NCKAP5: variants seen among roughly 807,000 people sequenced by gnomAD.
The protein encoded by NCKAP5 is NCK associated protein 5, also known as nck-associated protein 5.
A neutral mutation model predicts 167.0 loss-of-function variants in NCKAP5; 92 were observed. The observed-to-expected ratio is 0.55, with a 90% CI of 0.47 to 0.66. The LOEUF (loss-of-function observed/expected upper bound fraction) is 0.66. Ranked by LOEUF, NCKAP5 falls within the 30% of genes least tolerant of loss-of-function variation. The pLI is 0.00. For synonymous variants in NCKAP5, 891 were observed against 877.4 expected, an observed-to-expected ratio of 1.02 and a Z score of -0.27; for missense variants, 2,378 against 2,315.0, an observed-to-expected ratio of 1.03 and a Z score of -0.56.
intron 13 of NCKAP5, among the ~76,000 whole-genome samples, chr2:132,786,249 A>G (rs984955333): frequency 2.6e-5 from 4 of 152,228 alleles, no homozygotes; most frequent in Non-Finnish European, 5.9e-5. Flanking sequence ...CATTCAAGGT[A>G]CATTGAGGGA....
At chr2:132,880,355 C>T (rs1266786863) in intron 8 of NCKAP5, among the ~76,000 whole-genome samples, 1 of 152,118 alleles carries the variant, frequency 6.6e-6, no homozygotes, top group Non-Finnish European at 1.5e-5. Flanking sequence ...ATAGGCTGGG[C>T]TTGGTGGCTC....
At chr2:132,729,968 T>C (rs1423982436) in intron 17 of NCKAP5, among the ~76,000 whole-genome samples, 2 of 152,152 alleles carry the variant, frequency 1.3e-5, no homozygotes, top group Admixed American at 6.5e-5. Flanking sequence ...AAAAAGGAGC[T>C]ATAATCTCAT....
chr2:133,202,845 A>G (rs896474674), intron 5 of NCKAP5, among the ~76,000 whole-genome samples: 1 of 152,164 alleles, frequency 6.6e-6, no homozygotes, highest in Non-Finnish European at 1.5e-5. Flanking sequence ...AAGAGAAACT[A>G]TCTCACACCA....
At chr2:132,842,428 T>C (rs911568832) in intron 11 of NCKAP5, among the ~76,000 whole-genome samples, 13 of 152,286 alleles carry the variant, frequency 8.5e-5, no homozygotes, top group African/African-American at 3.1e-4. Flanking sequence ...TTAGCCTTCA[T>C]TGTTACTTAT....
intron 9 of NCKAP5, among the ~76,000 whole-genome samples, chr2:132,873,466 T>C (rs1200057378): frequency 1.3e-5 from 2 of 152,114 alleles, no homozygotes; most frequent in Non-Finnish European, 2.9e-5. Flanking sequence ...GTGAGGGGTA[T>C]GTATATGTGT....
At chr2:133,190,278 T>C (rs975040460) in intron 5 of NCKAP5, among the ~76,000 whole-genome samples, 4 of 152,070 alleles carry the variant, frequency 2.6e-5, no homozygotes, top group Admixed American at 1.3e-4. Flanking sequence ...TAAAAGAGGA[T>C]ACAAACAAAT....
At chr2:132,712,664 GA>G (rs890083267) in intron 19 of NCKAP5, among the ~76,000 whole-genome samples, 5 of 150,408 alleles carry the variant, frequency 3.3e-5, no homozygotes, top group South Asian at 2.1e-4. Flanking sequence ...AAAAAGAAAG[GA>G]AAAAAAAAGA....
At chr2:133,210,204 A>ATAATG (rs1005422890) in intron 5 of NCKAP5, among the ~76,000 whole-genome samples, 4 of 148,766 alleles carry the variant, frequency 2.7e-5, no homozygotes, top group East Asian at 3.9e-4. Flanking sequence ...ATAACATAAT[A>ATAATG]TAATGTAATG....
chr2:132,733,424 ATC>A (rs1220639410), intron 16 of NCKAP5, among the ~76,000 whole-genome samples: 2 of 152,062 alleles, frequency 1.3e-5, no homozygotes, highest in African/African-American at 4.8e-5. Context: ...TTGTGGTGTG[ATC>A]TCCGCCTATG....
intron 3 of NCKAP5, among the ~76,000 whole-genome samples, chr2:133,429,472 T>C (rs548705529): frequency 1.3e-5 from 2 of 152,136 alleles, no homozygotes; most frequent in East Asian, 3.9e-4. Context: ...CCATTTTTAG[T>C]CCTTGCCTCC....
chr2:133,149,982 T>C (rs1177772976), intron 5 of NCKAP5, among the ~76,000 whole-genome samples: 1 of 152,156 alleles, frequency 6.6e-6, no homozygotes, highest in Non-Finnish European at 1.5e-5. Context: ...AATCCTCCAA[T>C]CAATTGTTTA....
At chr2:133,335,000 C>G (rs1683117501) in intron 3 of NCKAP5, among the ~76,000 whole-genome samples, 1 of 152,180 alleles carries the variant, frequency 6.6e-6, no homozygotes, top group Non-Finnish European at 1.5e-5. Flanking sequence ...ATAATAATGA[C>G]ACACATTTGC....
chr2:133,326,384 T>C (rs1682444748), intron 3 of NCKAP5, among the ~76,000 whole-genome samples: 1 of 147,328 alleles, frequency 6.8e-6, no homozygotes, highest in South Asian at 2.1e-4. Flanking sequence ...AACCAGGGAG[T>C]TGGAGGTTGC....
At chr2:133,483,629 G>C (rs967419143) in intron 3 of NCKAP5, among the ~76,000 whole-genome samples, 5 of 95,506 alleles carry the variant, frequency 5.2e-5, no homozygotes, top group African/African-American at 1.1e-4. Flanking sequence ...AAAAAAAAAG[G>C]GGGGGGGGCT....
chr2:133,556,343 C>G (rs561850293), intron 2 of NCKAP5, among the ~76,000 whole-genome samples: 1 of 152,318 alleles, frequency 6.6e-6, no homozygotes, highest in African/African-American at 2.4e-5. Context: ...ATGATATGGA[C>G]TGTAGAATGT....
intron 19 of NCKAP5, among the ~76,000 whole-genome samples, chr2:132,707,149 A>G (rs1312031349): frequency 6.6e-6 from 1 of 152,190 alleles, no homozygotes; most frequent in Non-Finnish European, 1.5e-5. Flanking sequence ...AATCACCAAC[A>G]CCACTCCTCC....
At chr2:133,607,434 C>T in the NCKAP5 span, among the ~76,000 whole-genome samples, 1 of 152,084 alleles carries the variant, frequency 6.6e-6, no homozygotes, top group Non-Finnish European at 1.5e-5. Context: ...TAACCAGTCA[C>T]CCATCCCTGC....
chr2:133,502,947 C>G (rs558093522), intron 3 of NCKAP5, among the ~76,000 whole-genome samples: 1 of 152,066 alleles, frequency 6.6e-6, no homozygotes, highest in Non-Finnish European at 1.5e-5. Flanking sequence ...CTCTATGTTG[C>G]GATGGTAGGC....
intron 5 of NCKAP5, among the ~76,000 whole-genome samples, chr2:133,204,623 T>C (rs1009003922): frequency 1.3e-5 from 2 of 152,188 alleles, no homozygotes; most frequent in African/African-American, 4.8e-5. Context: ...GTTTCGCATA[T>C]GTTAGTGATT....
Sources: gnomAD v4.1 joint callset for allele counts (sites outside exome capture counted in the v4.1 genomes callset) on GRCh38, gnomAD v4.1.1 for gene constraint, MANE v1.5 for transcripts, NCBI Gene and HGNC (gene_info 2026-07-23, HGNC 2026-07-21) for gene names.